The following CNTLN variants were observed in gnomAD, a reference collection of about 807,000 sequenced individuals.
CNTLN encodes the protein centlein, centrosomal protein.
Under a neutral mutation model 180.0 loss-of-function variants are expected in CNTLN, and 212 were observed. The ratio of observed to expected loss-of-function variants is 1.18; its 90% confidence interval spans 1.05 to 1.32. CNTLN has a LOEUF of 1.32. Among genes scored for constraint, CNTLN ranks in the 40% most tolerant of loss-of-function variants. The pLI is 0.00. For missense variants in CNTLN, 2,095 were observed against 1,610.9 expected, an observed-to-expected ratio of 1.30 and a Z score of -5.14; for synonymous variants, 722 against 563.1, an observed-to-expected ratio of 1.28 and a Z score of -3.99.
chr9:17,155,974 A>G (rs773176052), intron 2 of CNTLN, among the ~76,000 whole-genome samples: 5 of 152,072 alleles, frequency 3.3e-5, no homozygotes, highest in Non-Finnish European at 5.9e-5. Context: ...GGCTTCCCTT[A>G]GGTAGGGGAG....
At chr9:17,469,322 AC>A (rs770377492) in intron 23 of CNTLN, among the ~76,000 whole-genome samples, 1 of 151,730 alleles carries the variant, frequency 6.6e-6, no homozygotes, top group Non-Finnish European at 1.5e-5. Context: ...GTTTTTCTTA[AC>A]CGTGTCTTAG....
At chr9:17,511,184 T>C in the CNTLN span, among the ~76,000 whole-genome samples, 1 of 152,188 alleles carries the variant, frequency 6.6e-6, no homozygotes, top group Non-Finnish European at 1.5e-5. Flanking sequence ...ATGTGGTCTT[T>C]TTAGAAAGCA....
At chr9:17,319,949 C>A (rs1015773381) in intron 8 of CNTLN, among the ~76,000 whole-genome samples, 2 of 152,136 alleles carry the variant, frequency 1.3e-5, no homozygotes, top group African/African-American at 4.8e-5. Flanking sequence ...TTCTAAGCAC[C>A]CTGCTCTTCA....
Position 17,465,089 on chromosome 9 carries a change from C to T in CNTLN, c.3531+466C>T, listed in dbSNP as rs139950562. Among the ~76,000 whole-genome samples, 150 of 149,220 alleles carry T rather than the reference C, an allele frequency of 1.0e-3. 2 individuals carry two copies. The highest frequency in any genetic ancestry group is 8.2e-3 in the East Asian group (42 of 5,120). On this transcript the variant is annotated intron_variant, in intron 21 of 25. Coordinates refer to ENST00000380647, the MANE Select transcript of CNTLN (RefSeq NM_017738.4). ...AAGGGAGTTGTAGTTAAAGTAGTTA[C>T]GTAATATATGACCCAAAGTAGAAGG...
chr9:17,316,086 A>T (rs914752541), intron 8 of CNTLN, among the ~76,000 whole-genome samples: 1 of 151,128 alleles, frequency 6.6e-6, no homozygotes, highest in Non-Finnish European at 1.5e-5. Flanking sequence ...CTTTAATTCT[A>T]TCAGGTTTTG....
At chr9:17,471,515 C>T (rs1832041577) in intron 23 of CNTLN, among the ~76,000 whole-genome samples, 1 of 151,946 alleles carries the variant, frequency 6.6e-6, no homozygotes, top group African/African-American at 2.4e-5. Context: ...CTCATGATAT[C>T]CCAAGAATTG....
At chr9:17,154,575 G>T (rs1335066689) in intron 2 of CNTLN, among the ~76,000 whole-genome samples, 1 of 152,224 alleles carries the variant, frequency 6.6e-6, no homozygotes, top group Non-Finnish European at 1.5e-5. Context: ...GGTGTCTGTT[G>T]GCCCCAACTG....
At position 17,394,663 on chromosome 9, in the gene CNTLN, G is replaced by A. The variant is rs755706339; in HGVS notation, c.2209G>A (p.Glu737Lys). 29 of 1,612,736 alleles carry A rather than the reference G, an allele frequency of 1.8e-5. No homozygotes were observed. Among genetic ancestry groups the A allele is most frequent in the Non-Finnish European group, 2.5e-5 (29 of 1,179,442 alleles). Residue 737 changes from glutamate to lysine, a missense_variant, in exon 15 of 26, where the codon GAG becomes AAG. Glu to Lys is a moderately conservative substitution (Grantham distance 56). Transcript: ENST00000380647. Reference sequence around the variant, plus strand: ...CTTAAAACAGCAACAAGAAGATACAGAGACCAGAGAAAAAGAGCTAGAACA... The same window carrying A: ...CTTAAAACAGCAACAAGAAGATACAAAGACCAGAGAAAAAGAGCTAGAACA... ...SLLKQQQEDTETREKELEQII... is the reference protein window; with the variant it reads ...SLLKQQQEDTKTREKELEQII...
intron 13 of CNTLN, among the ~76,000 whole-genome samples, chr9:17,379,854 C>T (rs886994626): frequency 6.6e-6 from 1 of 152,172 alleles, no homozygotes; most frequent in Non-Finnish European, 1.5e-5. Context: ...CAAATGAATT[C>T]AGTCTCCTCT....
intron 2 of CNTLN, among the ~76,000 whole-genome samples, chr9:17,151,528 T>G (rs112320441): frequency 0.011 from 1,667 of 151,886 alleles, 23 homozygotes; most frequent in African/African-American, 0.038. Context: ...TCATGGTGGA[T>G]AAGCTTTTTG....
intron 18 of CNTLN, among the ~76,000 whole-genome samples, chr9:17,430,555 A>C (rs550280426): frequency 6.6e-6 from 1 of 152,178 alleles, no homozygotes; most frequent in East Asian, 1.9e-4. Flanking sequence ...TGTTGAGAAC[A>C]TTCTAGATCT....
intron 18 of CNTLN, among the ~76,000 whole-genome samples, chr9:17,419,328 G>A (rs571440256): frequency 0.012 from 1,755 of 152,136 alleles, 31 homozygotes; most frequent in African/African-American, 0.04. Context: ...TCTATAGATG[G>A]AATATATAAA....
At chr9:17,490,802 A>G (rs1402992820) in intron 25 of CNTLN, among the ~76,000 whole-genome samples, 1 of 152,172 alleles carries the variant, frequency 6.6e-6, no homozygotes, top group African/African-American at 2.4e-5. Context: ...GAATACATTT[A>G]AAAGTAAATT....
At chr9:17,180,141 T>G (rs2131720874) in intron 2 of CNTLN, among the ~76,000 whole-genome samples, 1 of 151,434 alleles carries the variant, frequency 6.6e-6, no homozygotes, top group African/African-American at 2.4e-5. Context: ...GATTTGTATA[T>G]TTTAGATTAT....
intron 19 of CNTLN, among the ~76,000 whole-genome samples, chr9:17,458,051 C>G (rs1264114042): frequency 6.6e-6 from 1 of 151,912 alleles, no homozygotes; most frequent in African/African-American, 2.4e-5. Flanking sequence ...TCAACATAAA[C>G]AGAATTGCTT....
chr9:17,270,947 CTTT>C (rs78896738), intron 5 of CNTLN, among the ~76,000 whole-genome samples: 2 of 122,156 alleles, frequency 1.6e-5, no homozygotes. Flanking sequence ...GAGAGGAGTT[CTTT>C]TTTTTTTTTT....
At chr9:17,469,346 G>T (rs892022869) in intron 23 of CNTLN, among the ~76,000 whole-genome samples, 4 of 151,676 alleles carry the variant, frequency 2.6e-5, no homozygotes, top group Non-Finnish European at 5.9e-5. Context: ...CCAACATATA[G>T]TTGCTATTGG....
chr9:17,458,314 T>C (rs1831256954), intron 19 of CNTLN, among the ~76,000 whole-genome samples: 1 of 151,868 alleles, frequency 6.6e-6, no homozygotes, highest in South Asian at 2.1e-4. Flanking sequence ...TTGTAAGAAA[T>C]AGGATTTGTG....
At chr9:17,343,391 A>C (rs1821633212) in intron 12 of CNTLN, among the ~76,000 whole-genome samples, 1 of 152,166 alleles carries the variant, frequency 6.6e-6, no homozygotes, top group Admixed American at 6.5e-5. Flanking sequence ...AATGTCACTG[A>C]ATTTTCTTAG....
Sources: allele counts gnomAD v4.1 joint callset (sites outside exome capture counted in the v4.1 genomes callset), GRCh38; gene constraint gnomAD v4.1.1; transcripts MANE v1.5; gene names NCBI Gene and HGNC (gene_info 2026-07-23, HGNC 2026-07-21).